GTF2F2: variants seen among roughly 807,000 people sequenced by gnomAD.
The protein encoded by GTF2F2 is general transcription factor IIF subunit 2.
Under a neutral mutation model 42.2 loss-of-function variants are expected in GTF2F2, and 23 were observed. The ratio of observed to expected loss-of-function variants is 0.55; its 90% confidence interval spans 0.39 to 0.77. The LOEUF (loss-of-function observed/expected upper bound fraction) is 0.77. GTF2F2 is among the 30% of genes least tolerant of loss of function. The pLI is 0.00. For missense variants in GTF2F2, 261 were observed against 287.2 expected, an observed-to-expected ratio of 0.91 and a Z score of 0.66; for synonymous variants, 105 against 100.8, an observed-to-expected ratio of 1.04 and a Z score of -0.25.
chr13:45,152,364 A>T (rs567338086), intron 4 of GTF2F2, among the ~76,000 whole-genome samples: 1 of 152,286 alleles, frequency 6.6e-6, no homozygotes, highest in South Asian at 2.1e-4. Flanking sequence ...TTTAATTTCC[A>T]TTTGGGATAT....
intron 1 of GTF2F2, among the ~76,000 whole-genome samples, chr13:45,123,766 T>C (rs982917832): frequency 4.6e-5 from 7 of 151,428 alleles, no homozygotes; most frequent in African/African-American, 1.7e-4. Flanking sequence ...TCTGGCCTAA[T>C]GAAGTGCTAT....
Position 45,207,322 on chromosome 13 carries a change from A to G in GTF2F2, c.305-102A>G, listed in dbSNP as rs1437204857. The G allele has an allele frequency of 7.5e-6, 5 of 666,720 alleles. No homozygotes were observed. In the East Asian group the frequency reaches 8.3e-5, roughly 11 times the overall value. 41.3% of individuals were successfully genotyped at this position (666,720 alleles called of 1,614,324 possible). A position where few individuals can be genotyped will look rare whatever the true frequency, so the allele number is the denominator to read the frequency against. On this transcript the variant is annotated intron_variant, in intron 4 of 7. Coordinates refer to ENST00000340473, the MANE Select transcript of GTF2F2 (RefSeq NM_004128.3). ...TAACTATTTTTTCTTGATTTTTGAT[A>G]TTAATTATATTTGATTGTCATATTA...
intron 4 of GTF2F2, among the ~76,000 whole-genome samples, chr13:45,201,650 G>T (rs773213674): frequency 1.3e-5 from 2 of 152,054 alleles, no homozygotes; most frequent in Non-Finnish European, 2.9e-5. Flanking sequence ...GATTTTAGGT[G>T]GTGGGATATA....
At chr13:45,174,457 A>G (rs1342665220) in intron 4 of GTF2F2, among the ~76,000 whole-genome samples, 1 of 152,118 alleles carries the variant, frequency 6.6e-6, no homozygotes, top group Non-Finnish European at 1.5e-5. Context: ...CTTCATCCAC[A>G]GAGAAAACCA....
At chr13:45,136,593 A>G (rs1355743716) in intron 1 of GTF2F2, 140 bp from the exon 2 acceptor site, 7 of 505,328 alleles carry the variant, frequency 1.4e-5, no homozygotes, top group Non-Finnish European at 2.4e-5. Context: ...AGTATTTTAT[A>G]TAGTGTAAAA....
chr13:45,273,206 G>A (rs1218743185), intron 7 of GTF2F2, among the ~76,000 whole-genome samples: 2 of 151,906 alleles, frequency 1.3e-5, no homozygotes, highest in Non-Finnish European at 2.9e-5. Context: ...GATTACAGGT[G>A]TGAGCCACCG....
intron 4 of GTF2F2, among the ~76,000 whole-genome samples, chr13:45,180,722 T>C (rs1230714914): frequency 2.0e-5 from 3 of 152,200 alleles, no homozygotes; most frequent in South Asian, 2.1e-4. Flanking sequence ...AAAATTTATT[T>C]AATTAATTTT....
chr13:45,212,000 G>T (rs191717808), intron 5 of GTF2F2, among the ~76,000 whole-genome samples: 1 of 151,854 alleles, frequency 6.6e-6, no homozygotes, highest in Non-Finnish European at 1.5e-5. Context: ...CCACATATGC[G>T]CACGCACACA....
chr13:45,224,989 T>A (rs1226210653), intron 5 of GTF2F2, among the ~76,000 whole-genome samples: 2 of 152,226 alleles, frequency 1.3e-5, no homozygotes, highest in Non-Finnish European at 2.9e-5. Context: ...TGGGGCTTAG[T>A]ACCAAGTTGT....
intron 5 of GTF2F2, among the ~76,000 whole-genome samples, chr13:45,240,783 G>A (rs1056733443): frequency 2.0e-5 from 3 of 151,844 alleles, no homozygotes; most frequent in African/African-American, 4.8e-5. Context: ...AGCTGAGATC[G>A]CACCGTTGTA....
intron 4 of GTF2F2, among the ~76,000 whole-genome samples, chr13:45,177,531 A>G (rs1165907649): frequency 6.6e-6 from 1 of 152,108 alleles, no homozygotes; most frequent in Non-Finnish European, 1.5e-5. Context: ...TGTATATGCT[A>G]CCTGCCCATG....
intron 6 of GTF2F2, among the ~76,000 whole-genome samples, chr13:45,265,504 C>T (rs915780307): frequency 2.0e-5 from 3 of 152,164 alleles, no homozygotes; most frequent in African/African-American, 7.2e-5. Context: ...TATAGTCATG[C>T]TTAATCTGCT....
At chr13:45,256,013 C>T (rs1876089606) in intron 6 of GTF2F2, among the ~76,000 whole-genome samples, 1 of 152,124 alleles carries the variant, frequency 6.6e-6, no homozygotes, top group Admixed American at 6.6e-5. Flanking sequence ...TACAATAATG[C>T]TTCTCTCTAT....
At chr13:45,211,761 AT>A (rs1873653982) in intron 5 of GTF2F2, among the ~76,000 whole-genome samples, 1 of 150,764 alleles carries the variant, frequency 6.6e-6, no homozygotes, top group African/African-American at 2.4e-5. Flanking sequence ...CCAATTTTGT[AT>A]TTTTAGGAGA....
chr13:45,283,662 A>G lies in GTF2F2; in HGVS notation c.*101A>G, dbSNP rs1002908813. The G allele has an allele frequency of 4.4e-6, 4 of 918,912 alleles. No individual in the cohort carries two copies. In the African/African-American group the frequency reaches 5.1e-5, roughly 12 times the overall value. 56.9% of individuals were successfully genotyped at this position (918,912 alleles called of 1,614,324 possible). A position where few individuals can be genotyped will look rare whatever the true frequency, so the allele number is the denominator to read the frequency against. On this transcript the variant is annotated 3_prime_UTR_variant, in exon 8 of 8. Coordinates refer to ENST00000340473, the MANE Select transcript of GTF2F2 (RefSeq NM_004128.3). ...GAACACCGTATGTTAATAGGGGTTA[A>G]GTGACAGTACTTTGATTTCTCTCGG...
intron 1 of GTF2F2, among the ~76,000 whole-genome samples, chr13:45,130,628 C>T (rs1371438999): frequency 6.6e-6 from 1 of 152,070 alleles, no homozygotes; most frequent in Non-Finnish European, 1.5e-5. Flanking sequence ...AAGATATTGA[C>T]AGGATGTATC....
intron 4 of GTF2F2, among the ~76,000 whole-genome samples, chr13:45,170,428 G>T (rs559072903): frequency 6.6e-6 from 1 of 152,184 alleles, no homozygotes; most frequent in Non-Finnish European, 1.5e-5. Flanking sequence ...ACAAGGCTTA[G>T]AAGCAAATAA....
At chr13:45,204,788 A>G (rs1355180085) in intron 4 of GTF2F2, among the ~76,000 whole-genome samples, 1 of 152,248 alleles carries the variant, frequency 6.6e-6, no homozygotes, top group Non-Finnish European at 1.5e-5. Context: ...AGTGGATGGG[A>G]AAATTCGTTG....
chr13:45,133,434 A>G (rs1050682965), intron 1 of GTF2F2, among the ~76,000 whole-genome samples: 1 of 152,242 alleles, frequency 6.6e-6, no homozygotes, highest in African/African-American at 2.4e-5. Context: ...AGAAGCCAGG[A>G]CACAAAGGAA....
Sources: gnomAD v4.1 joint callset for allele counts (sites outside exome capture counted in the v4.1 genomes callset) on GRCh38, gnomAD v4.1.1 for gene constraint, MANE v1.5 for transcripts, NCBI Gene and HGNC (gene_info 2026-07-23, HGNC 2026-07-21) for gene names.